The following GRID2IP variants were observed in gnomAD, a reference collection of about 807,000 sequenced individuals.
The protein encoded by GRID2IP is delphilin.
In GRID2IP, 78 loss-of-function variants were observed where a neutral mutation model predicts 114.3. The observed-to-expected ratio is 0.68, with a 90% CI of 0.57 to 0.82. The LOEUF is 0.82. Ranked by LOEUF, GRID2IP falls within the 40% of genes least tolerant of loss-of-function variation. GRID2IP has a pLI of 0.00. For synonymous variants in GRID2IP, 809 were observed against 724.0 expected (o/e 1.12, Z -1.89); for missense variants, 1,727 against 1,678.5 (o/e 1.03, Z -0.51).
chr7:6,521,769 TG>T lies in GRID2IP; in HGVS notation c.989+118del. 1 of 797,012 alleles carries T rather than the reference TG, an allele frequency of 1.3e-6. No homozygotes were observed. Among genetic ancestry groups the T allele is most frequent in the Non-Finnish European group, 2.1e-6 (1 of 484,588 alleles). 49.4% of individuals were successfully genotyped at this position (797,012 alleles called of 1,614,324 possible). A position where few individuals can be genotyped will look rare whatever the true frequency, so the allele number is the denominator to read the frequency against. On this transcript the variant is annotated intron_variant, in intron 5 of 21. Coordinates refer to ENST00000457091, the MANE Select transcript of GRID2IP (RefSeq NM_001145118.2). The surrounding 1 kb of genome is among the most constrained non-coding windows in gnomAD (Gnocchi z 4.1). Reference sequence around the variant, plus strand: ...TTCCCATTGGAAGAGGGACAGACCCTGGGGACCAAATGGTGAGAGGAGATTG... The same window carrying T: ...TTCCCATTGGAAGAGGGACAGACCCTGGGACCAAATGGTGAGAGGAGATTG...
At chr7:6,531,846 A>AG (rs1175446992) in intron 2 of GRID2IP, among the ~76,000 whole-genome samples, 1 of 152,152 alleles carries the variant, frequency 6.6e-6, no homozygotes, top group Non-Finnish European at 1.5e-5. Flanking sequence ...GGTGACCCAG[A>AG]GGGGGGTGTT....
At chr7:6,517,401 G>A (rs1260838203) in intron 7 of GRID2IP, among the ~76,000 whole-genome samples, 1 of 151,916 alleles carries the variant, frequency 6.6e-6, no homozygotes, top group East Asian at 1.9e-4. Context: ...CGCACACGAA[G>A]AGAAAAACCC....
chr7:6,520,897 C>A lies in GRID2IP; in HGVS notation c.1085-136G>T. 1.2e-6 allele frequency: 1 copy of A among 826,434 alleles called. No individual in the cohort carries two copies. Among genetic ancestry groups the A allele is most frequent in the Non-Finnish European group, 1.9e-6 (1 of 535,352 alleles). The allele number at this position is 826,434 out of a possible 1,614,324, so 51.2% of individuals were successfully genotyped here. A position where few individuals can be genotyped will look rare whatever the true frequency, so the allele number is the denominator to read the frequency against. ...CAGTGCCATGCATGGGAAGGCATGC[C>A]TGTGGCCCGACACCGGGGCCAAGGA... On this transcript the variant is annotated intron_variant, in intron 6 of 21. Coordinates refer to ENST00000457091, the MANE Select transcript of GRID2IP (RefSeq NM_001145118.2). The surrounding 1 kb of genome is among the most constrained non-coding windows in gnomAD (Gnocchi z 4.6).
intron 1 of GRID2IP, among the ~76,000 whole-genome samples, chr7:6,540,829 C>G (rs1004992610): frequency 2.0e-5 from 3 of 151,506 alleles, no homozygotes; most frequent in Non-Finnish European, 4.4e-5. Context: ...CCGCACACAG[C>G]CAATTTATTT....
chr7:6,549,795 T>C (rs576537379), intron 1 of GRID2IP, among the ~76,000 whole-genome samples: 98 of 151,710 alleles, frequency 6.5e-4, no homozygotes, highest in African/African-American at 2.3e-3. Flanking sequence ...CTGGTTTTTT[T>C]TTTTTTTATA....
intron 2 of GRID2IP, among the ~76,000 whole-genome samples, chr7:6,538,087 G>A (rs955354467): frequency 2.0e-5 from 3 of 152,134 alleles, no homozygotes; most frequent in Admixed American, 6.6e-5. Flanking sequence ...TCACCAAAGG[G>A]TCGGGCACCG....
At chr7:6,514,663 A>T in intron 7 of GRID2IP, 134 bp from the exon 8 acceptor site, 1 of 744,418 alleles carries the variant, frequency 1.3e-6, no homozygotes, top group South Asian at 3.4e-5. Flanking sequence ...TCAAAGACAG[A>T]AGTGGGGGCC....
Position 6,536,963 on chromosome 7 carries a change from A to C in GRID2IP, c.584+2755T>G, listed in dbSNP as rs1299421240. The C allele has an allele frequency of 1.7e-5, 4 of 232,162 alleles. No individual in the cohort carries two copies. The East Asian group carries it at 4.8e-4, about 28-fold the overall frequency. 14.4% of individuals were successfully genotyped at this position (232,162 alleles called of 1,614,324 possible). A position where few individuals can be genotyped will look rare whatever the true frequency, so the allele number is the denominator to read the frequency against. ...GCCAGCCCAGTCCCTGACATTGGCC[A>C]GGCCCAGAGGGAGGGGCAGGCTGCG... On this transcript the variant is annotated intron_variant, in intron 2 of 21. Transcript: ENST00000457091. This position sits in a 1 kb window ranked among gnomAD's most constrained non-coding sequence, Gnocchi z 5.3.
rs376681852 is a variant in GRID2IP, at chr7:6,538,668, A to G, written c.584+1050T>C. On this transcript the variant is annotated intron_variant, in intron 2 of 21. Transcript: ENST00000457091. The stretch of plus-strand genomic sequence containing the variant: ...CGAGGTGGGTGGATCACTTGAGGTC[A>G]GGAGTTGGAGACCAGCCTGGCCAAC... 1.4e-4 allele frequency among the ~76,000 whole-genome samples: 21 copies of G among 152,348 alleles called. No homozygotes were observed. The East Asian group carries it at 2.3e-3, about 17-fold the overall frequency.
intron 1 of GRID2IP, 118 bp downstream of exon 1, chr7:6,550,890 A>G (rs1779962910): frequency 8.8e-7 from 1 of 1,141,018 alleles, no homozygotes; most frequent in Admixed American, 4.5e-5. Context: ...TATTTCTGTT[A>G]AATCTGACCC....
chr7:6,542,417 A>T (rs1359520539), intron 1 of GRID2IP, among the ~76,000 whole-genome samples: 2 of 151,916 alleles, frequency 1.3e-5, no homozygotes, highest in African/African-American at 4.8e-5. Flanking sequence ...GCTTAGGGAG[A>T]TCGAGGCAGG....
At chr7:6,539,353 C>T (rs1779778397) in intron 2 of GRID2IP, among the ~76,000 whole-genome samples, 1 of 152,116 alleles carries the variant, frequency 6.6e-6, no homozygotes. Context: ...TCTTCAACTC[C>T]TGGCCTCAAG....
chr7:6,549,248 A>G (rs1779931390), intron 1 of GRID2IP, among the ~76,000 whole-genome samples: 1 of 152,192 alleles, frequency 6.6e-6, no homozygotes, highest in Non-Finnish European at 1.5e-5. Context: ...CTTGGGATTC[A>G]GGCCTGAGAC....
rs994628172 is a variant in GRID2IP, at chr7:6,520,871, C to A, written c.1085-110G>T. The A allele has an allele frequency of 6.7e-6, 7 of 1,038,158 alleles. No homozygotes were observed. In the African/African-American group the frequency reaches 1.1e-4, roughly 17 times the overall value. 64.3% of individuals were successfully genotyped at this position (1,038,158 alleles called of 1,614,324 possible). A position where few individuals can be genotyped will look rare whatever the true frequency, so the allele number is the denominator to read the frequency against. ...ACCTCCTGAGCTGGGGTGTGGCTGT[C>A]CAGTGCCATGCATGGGAAGGCATGC... On this transcript the variant is annotated intron_variant, in intron 6 of 21. Coordinates refer to ENST00000457091, the MANE Select transcript of GRID2IP (RefSeq NM_001145118.2). The surrounding 1 kb of genome is among the most constrained non-coding windows in gnomAD (Gnocchi z 4.6).
rs974990797 is a variant in GRID2IP, at chr7:6,507,569, T to C, written c.2544+416A>G. On this transcript the variant is annotated intron_variant, in intron 13 of 21. Transcript: ENST00000457091. This position sits in a 1 kb window ranked among gnomAD's most constrained non-coding sequence, Gnocchi z 5.3. The stretch of plus-strand genomic sequence containing the variant: ...GTGAGGAAAGGAAGACCTTGACAGG[T>C]AGTGAGTTCCCCACCACTGAAGGTG... Among the ~76,000 whole-genome samples, 1 of 152,124 alleles carries C rather than the reference T, an allele frequency of 6.6e-6. No individual in the cohort carries two copies. Among genetic ancestry groups the C allele is most frequent in the Non-Finnish European group, 1.5e-5 (1 of 68,026 alleles).
Position 6,517,944 on chromosome 7 carries a change from AC to A in GRID2IP, c.1268+2633del, listed in dbSNP as rs1334849929. ...TAAATAAATAAATAAAATAAAATAT[AC>A]AAGGGGCTGGGAGCAGTGGCTCACA... On this transcript the variant is annotated intron_variant, in intron 7 of 21. Transcript: ENST00000457091. 2.6e-5 allele frequency among the ~76,000 whole-genome samples: 4 copies of A among 151,722 alleles called. 1 individual carries two copies. The South Asian group carries it at 6.2e-4, about 24-fold the overall frequency.
rs1380112892 is a variant in GRID2IP at position 6,506,038 on chromosome 7, C to T, written c.2545-131G>A. On this transcript the variant is annotated intron_variant, in intron 13 of 21. Transcript: ENST00000457091. This position sits in a 1 kb window ranked among gnomAD's most constrained non-coding sequence, Gnocchi z 5.2. ...GCACCCATCAGGTGCTGGGATAAAG[C>T]CCGGAGCAGGAGGAGACTGCAGGAG... The T allele has an allele frequency of 3.1e-6, 2 of 644,736 alleles. No homozygotes were observed. Among genetic ancestry groups the T allele is most frequent in the Non-Finnish European group, 5.5e-6 (2 of 365,132 alleles). The allele number at this position is 644,736 out of a possible 1,614,324, so 39.9% of individuals were successfully genotyped here. A position where few individuals can be genotyped will look rare whatever the true frequency, so the allele number is the denominator to read the frequency against.
At chr7:6,497,930 C>A (rs1786302638) in intron 21 of GRID2IP, 85 bp from the exon 22 acceptor site, 23 of 1,400,170 alleles carry the variant, frequency 1.6e-5, no homozygotes, top group Non-Finnish European at 2.2e-5. Context: ...CACTAGACAG[C>A]CCATCAGGGG....
chr7:6,528,632 A>T lies in GRID2IP; in HGVS notation c.585-1863T>A, dbSNP rs1779560490. 6.6e-6 allele frequency among the ~76,000 whole-genome samples: 1 copy of T among 152,068 alleles called. No homozygotes were observed. The highest frequency in any genetic ancestry group is 2.1e-4 in the South Asian group (1 of 4,828). On this transcript the variant is annotated intron_variant, in intron 2 of 21. Transcript: ENST00000457091. The surrounding 1 kb of genome is among the most constrained non-coding windows in gnomAD (Gnocchi z 6.0). Reference sequence around the variant, plus strand: ...CAGTGGCCTTGCAGCTGAAAGACAAACCCCTCTGAGGTGTCCCAGCGGCCC... The same window carrying T: ...CAGTGGCCTTGCAGCTGAAAGACAATCCCCTCTGAGGTGTCCCAGCGGCCC...
Sources: allele counts gnomAD v4.1 joint callset (sites outside exome capture counted in the v4.1 genomes callset), GRCh38; gene constraint gnomAD v4.1.1; non-coding constraint Gnocchi (gnomAD v3.1); transcripts MANE v1.5; gene names NCBI Gene and HGNC (gene_info 2026-07-23, HGNC 2026-07-21).